The following MECOM variants were observed in gnomAD, a reference collection of about 807,000 sequenced individuals.
MECOM encodes histone-lysine N-methyltransferase MECOM.
A neutral mutation model predicts 116.3 loss-of-function variants in MECOM; 13 were observed. That is an observed-to-expected ratio of 0.11 (90% CI 0.07 to 0.18). MECOM has a LOEUF of 0.18. MECOM is among the 10% of genes least tolerant of loss of function. MECOM has a pLI of 1.00. For synonymous variants in MECOM, 528 were observed against 535.2 expected (o/e 0.99, Z 0.19); for missense variants, 1,299 against 1,509.0 (o/e 0.86, Z 2.31).
chr3:169,431,734 T>C (rs1380211996), intron 1 of MECOM, among the ~76,000 whole-genome samples: 2 of 152,190 alleles, frequency 1.3e-5, no homozygotes, highest in African/African-American at 4.8e-5. Context: ...TAGATTCTCC[T>C]GTTTGGGGTT....
intron 2 of MECOM, among the ~76,000 whole-genome samples, chr3:169,233,372 CA>C (rs1351399433): frequency 1.3e-5 from 2 of 152,106 alleles, no homozygotes; most frequent in Admixed American, 6.6e-5. Context: ...TTTGTAGAAA[CA>C]GGAGGTATAT....
intron 3 of MECOM, chr3:169,134,007 G>C: frequency 1.6e-6 from 2 of 1,240,898 alleles, no homozygotes; most frequent in Non-Finnish European, 2.1e-6. Context: ...CTTTTCGGTG[G>C]CTTCTCGGAA....
chr3:169,434,989 G>A (rs908760823), intron 1 of MECOM, among the ~76,000 whole-genome samples: 2 of 152,020 alleles, frequency 1.3e-5, no homozygotes, highest in African/African-American at 4.8e-5. Context: ...GTACAGTATG[G>A]GAAGCCTGTA....
intron 5 of MECOM, among the ~76,000 whole-genome samples, chr3:169,126,452 T>A (rs555778733): frequency 2.0e-5 from 3 of 152,196 alleles, no homozygotes; most frequent in South Asian, 2.1e-4. Flanking sequence ...TCATTTTTTT[T>A]AAATTTGGGC....
intron 2 of MECOM, among the ~76,000 whole-genome samples, chr3:169,253,571 T>TATAAGATACATGCTTCTGA (rs1226108377): frequency 7.9e-5 from 12 of 152,066 alleles, no homozygotes; most frequent in Non-Finnish European, 1.2e-4. Flanking sequence ...GAATGAAAAG[T>TATAAGATACATGCTTCTGA]ATAAGATACA....
intron 2 of MECOM, among the ~76,000 whole-genome samples, chr3:169,318,836 T>C (rs1217351683): frequency 1.3e-5 from 2 of 152,136 alleles, no homozygotes; most frequent in East Asian, 3.9e-4. Flanking sequence ...CAATGGCTCA[T>C]GTCTGTAATC....
At chr3:169,441,627 CTT>C (rs1262471897) in intron 1 of MECOM, among the ~76,000 whole-genome samples, 2 of 151,716 alleles carry the variant, frequency 1.3e-5, no homozygotes, top group Non-Finnish European at 2.9e-5. Context: ...CTACAATGGA[CTT>C]GTCTGCAATT....
intron 1 of MECOM, among the ~76,000 whole-genome samples, chr3:169,545,661 TAAG>T (rs978411364): frequency 1.3e-5 from 2 of 152,212 alleles, no homozygotes; most frequent in Non-Finnish European, 2.9e-5. Context: ...AAGATCACAA[TAAG>T]AAGACATCTC....
intron 2 of MECOM, among the ~76,000 whole-genome samples, chr3:169,289,306 G>T (rs1332789185): frequency 1.3e-5 from 2 of 152,158 alleles, no homozygotes; most frequent in East Asian, 1.9e-4. Flanking sequence ...CTCGTGGATT[G>T]TTCTGCTCAC....
At chr3:169,343,533 T>C (rs1469766541) in intron 2 of MECOM, among the ~76,000 whole-genome samples, 1 of 152,118 alleles carries the variant, frequency 6.6e-6, no homozygotes, top group Admixed American at 6.6e-5. Flanking sequence ...TTGTATTTTT[T>C]TAAAAAAGAA....
chr3:169,146,634 A>C lies in MECOM; in HGVS notation c.376-2802T>G. On this transcript the variant is annotated intron_variant, in intron 2 of 16. Transcript: ENST00000651503. The stretch of plus-strand genomic sequence containing the variant: ...GGCTGGGGGCGGGGGGCGCCCGTAG[A>C]AACGGTGCCCCGGCAGGAAACTGTC... 2.9e-6 allele frequency: 4 copies of C among 1,366,592 alleles called. No individual in the cohort carries two copies. In the South Asian group the frequency reaches 4.5e-5, roughly 16 times the overall value. 84.7% of individuals were successfully genotyped at this position (1,366,592 alleles called of 1,614,324 possible).
chr3:169,264,185 A>C (rs1225602499), intron 2 of MECOM, among the ~76,000 whole-genome samples: 2 of 152,178 alleles, frequency 1.3e-5, no homozygotes, highest in Admixed American at 6.5e-5. Flanking sequence ...CCTAACAACC[A>C]AAATGGGAAA....
At chr3:169,503,959 ACT>A (rs1419735069) in intron 1 of MECOM, among the ~76,000 whole-genome samples, 2 of 151,852 alleles carry the variant, frequency 1.3e-5, no homozygotes, top group Non-Finnish European at 2.9e-5. Context: ...AATATGTAAA[ACT>A]CTGTTTAAAG....
At chr3:169,543,846 G>GA (rs1431524861) in intron 1 of MECOM, among the ~76,000 whole-genome samples, 2 of 152,036 alleles carry the variant, frequency 1.3e-5, no homozygotes, top group African/African-American at 4.8e-5. Context: ...TACTTGAGGG[G>GA]AAAAAATCAG....
At chr3:169,152,265 A>G (rs1375106137) in intron 2 of MECOM, among the ~76,000 whole-genome samples, 2 of 151,538 alleles carry the variant, frequency 1.3e-5, no homozygotes, top group African/African-American at 4.9e-5. Flanking sequence ...TTTTTTATCT[A>G]TTGGGGTGTG....
chr3:169,604,471 G>C (rs1768257641), intron 1 of MECOM, among the ~76,000 whole-genome samples: 1 of 152,212 alleles, frequency 6.6e-6, no homozygotes, highest in African/African-American at 2.4e-5. Context: ...CTCTGGCTGG[G>C]ACTACTTTGC....
intron 2 of MECOM, among the ~76,000 whole-genome samples, chr3:169,328,847 G>A (rs1722278560): frequency 6.6e-6 from 1 of 152,138 alleles, no homozygotes; most frequent in Non-Finnish European, 1.5e-5. Flanking sequence ...AGACATGATT[G>A]TCAGAGCTTC....
intron 2 of MECOM, among the ~76,000 whole-genome samples, chr3:169,257,926 T>C (rs1757045685): frequency 6.6e-6 from 1 of 152,040 alleles, no homozygotes. Context: ...GAACATGCAG[T>C]GTAAGAAAAA....
chr3:169,378,874 G>A (rs1264265666), intron 2 of MECOM, among the ~76,000 whole-genome samples: 1 of 151,942 alleles, frequency 6.6e-6, no homozygotes, highest in Non-Finnish European at 1.5e-5. Context: ...CTCAATAATT[G>A]TTTGCTGAAC....
Sources: allele counts gnomAD v4.1 joint callset (sites outside exome capture counted in the v4.1 genomes callset), GRCh38; gene constraint gnomAD v4.1.1; transcripts MANE v1.5; gene names NCBI Gene and HGNC (gene_info 2026-07-23, HGNC 2026-07-21).